PIERCE1: variants seen among roughly 807,000 people sequenced by gnomAD.
The protein encoded by PIERCE1 is piercer of microtubule wall 1 protein.
At chr9:135,498,941 C>A in the PIERCE1 span, 1 of 434,810 alleles carries the variant, frequency 2.3e-6, no homozygotes, top group Non-Finnish European at 4.2e-6. This position sits in a 1 kb window ranked among gnomAD's most constrained non-coding sequence, Gnocchi z 4.1. Flanking sequence ...GTGCTGATCC[C>A]CAGCCCTGGC....
the PIERCE1 span, chr9:135,495,577 T>G: frequency 6.2e-7 from 1 of 1,613,748 alleles, no homozygotes; most frequent in South Asian, 1.1e-5. Flanking sequence ...CCGCTGCAAG[T>G]TGTTGGGAAA....
At chr9:135,499,666 C>T in the PIERCE1 span, 110 of 1,600,000 alleles carry the variant, frequency 6.9e-5, no homozygotes, top group African/African-American at 1.9e-4. Flanking sequence ...ACGGGGCTAT[C>T]GAGCAGTGGA....
the PIERCE1 span, chr9:135,499,837 G>A: frequency 1.3e-6 from 2 of 1,587,868 alleles, no homozygotes; most frequent in South Asian, 2.3e-5. Flanking sequence ...ACGCTCTGGG[G>A]CATTCCTCAG....
At chr9:135,495,618 A>G in the PIERCE1 span, 28 of 1,609,592 alleles carry the variant, frequency 1.7e-5, no homozygotes, top group East Asian at 2.2e-5. Flanking sequence ...AATACTTTCT[A>G]TAAGAGATAA....
the PIERCE1 span, among the ~76,000 whole-genome samples, chr9:135,498,250 C>A: frequency 6.6e-6 from 1 of 152,100 alleles, no homozygotes; most frequent in South Asian, 2.1e-4. This position sits in a 1 kb window ranked among gnomAD's most constrained non-coding sequence, Gnocchi z 4.1. Flanking sequence ...GAACTGAGCA[C>A]CGTAAGTTGC....
At chr9:135,495,592 A>G in the PIERCE1 span, 1 of 1,613,886 alleles carries the variant, frequency 6.2e-7, no homozygotes, top group Non-Finnish European at 8.5e-7. Context: ...GGGAAAATTT[A>G]TTCGAATTTG....
At chr9:135,498,567 G>A in the PIERCE1 span, 5 of 1,611,774 alleles carry the variant, frequency 3.1e-6, no homozygotes, top group South Asian at 5.5e-5. This position sits in a 1 kb window ranked among gnomAD's most constrained non-coding sequence, Gnocchi z 4.1. Flanking sequence ...CCCATGCCCG[G>A]TCTTGCATCC....
chr9:135,496,158 T>C, the PIERCE1 span, among the ~76,000 whole-genome samples: 2 of 152,054 alleles, frequency 1.3e-5, no homozygotes, highest in Non-Finnish European at 2.9e-5. Context: ...CTACTAAAAA[T>C]ACAAAAATAT....
At chr9:135,497,400 C>T in the PIERCE1 span, among the ~76,000 whole-genome samples, 2 of 147,358 alleles carry the variant, frequency 1.4e-5, no homozygotes, top group Non-Finnish European at 3.0e-5. Flanking sequence ...GTTTTTTTTT[C>T]TTTTTTTTTT....
the PIERCE1 span, chr9:135,499,768 G>A: frequency 1.2e-5 from 20 of 1,606,958 alleles, no homozygotes; most frequent in Non-Finnish European, 1.7e-5. Context: ...CGCTCACGCG[G>A]TAGTAGTCGC....
the PIERCE1 span, chr9:135,499,036 G>A: frequency 3.6e-6 from 1 of 276,186 alleles, no homozygotes; most frequent in Non-Finnish European, 7.0e-6. Flanking sequence ...CACCCAGAGG[G>A]TCCCTCTGCC....
At chr9:135,497,104 G>A in the PIERCE1 span, among the ~76,000 whole-genome samples, 1 of 152,076 alleles carries the variant, frequency 6.6e-6, no homozygotes, top group Non-Finnish European at 1.5e-5. Context: ...GCCTTTCAGT[G>A]CACTTTTTAA....
chr9:135,499,651 C>T, the PIERCE1 span: 3 of 1,588,564 alleles, frequency 1.9e-6, no homozygotes, highest in African/African-American at 1.3e-5. Context: ...CGGGGTCTCT[C>T]ACACACGGGG....
At chr9:135,498,594 G>T in the PIERCE1 span, 1 of 1,613,794 alleles carries the variant, frequency 6.2e-7, no homozygotes, top group Non-Finnish European at 8.5e-7. This position sits in a 1 kb window ranked among gnomAD's most constrained non-coding sequence, Gnocchi z 4.1. Flanking sequence ...CAGGCATCTC[G>T]TGCACGGTGG....
chr9:135,495,632 A>G, the PIERCE1 span: 5 of 1,588,518 alleles, frequency 3.1e-6, no homozygotes, highest in Non-Finnish European at 4.3e-6. Context: ...GAGATAAAGG[A>G]ACACGGATTA....
the PIERCE1 span, chr9:135,495,427 T>C: frequency 6.2e-7 from 1 of 1,612,830 alleles, no homozygotes; most frequent in Non-Finnish European, 8.5e-7. Context: ...TTCCAGCCCC[T>C]CAATCGCAGA....
chr9:135,498,561 T>A, the PIERCE1 span: 1 of 1,610,128 alleles, frequency 6.2e-7, no homozygotes. This position sits in a 1 kb window ranked among gnomAD's most constrained non-coding sequence, Gnocchi z 4.1. Flanking sequence ...CTGCCCCCCA[T>A]GCCCGGTCTT....
chr9:135,499,722 A>G, the PIERCE1 span: 1 of 1,608,178 alleles, frequency 6.2e-7, no homozygotes, highest in Non-Finnish European at 8.5e-7. Context: ...TAGCCCCGGA[A>G]CCACCCCGGG....
the PIERCE1 span, among the ~76,000 whole-genome samples, chr9:135,497,206 C>G: frequency 6.6e-6 from 1 of 152,302 alleles, no homozygotes; most frequent in African/African-American, 2.4e-5. Flanking sequence ...AGACTCCAGA[C>G]GGAGCAGGTG....
Sources: allele counts gnomAD v4.1 joint callset (sites outside exome capture counted in the v4.1 genomes callset), GRCh38; gene constraint gnomAD v4.1.1; non-coding constraint Gnocchi (gnomAD v3.1); transcripts MANE v1.5; gene names NCBI Gene and HGNC (gene_info 2026-07-23, HGNC 2026-07-21).